KCNH8: variants seen among roughly 807,000 people sequenced by gnomAD.
The protein encoded by KCNH8 is voltage-gated delayed rectifier potassium channel KCNH8.
A neutral mutation model predicts 103.6 loss-of-function variants in KCNH8; 70 were observed. The observed-to-expected ratio is 0.68, with a 90% CI of 0.56 to 0.82. The LOEUF (loss-of-function observed/expected upper bound fraction) is 0.82, where lower values mean the gene tolerates loss of function less well. Among genes scored for constraint, KCNH8 ranks in the 40% least tolerant of loss-of-function variants. The pLI, the probability that KCNH8 is intolerant of heterozygous loss-of-function variation, is 0.00. For missense variants in KCNH8, 1,217 were observed against 1,329.9 expected (o/e 0.92, Z 1.32); for synonymous variants, 498 against 489.4 (o/e 1.02, Z -0.23).
chr3:19,334,663 C>A (rs1188321262), intron 3 of KCNH8, among the ~76,000 whole-genome samples: 1 of 145,722 alleles, frequency 6.9e-6, no homozygotes, highest in African/African-American at 2.5e-5. Flanking sequence ...ATAATTATTC[C>A]TGTGTTAATT....
chr3:19,253,465 A>G (rs1040839625), intron 1 of KCNH8, among the ~76,000 whole-genome samples, 189 bp from the exon 2 acceptor site: 2 of 151,958 alleles, frequency 1.3e-5, no homozygotes, highest in African/African-American at 4.8e-5. Flanking sequence ...AGCCTAAGTC[A>G]GAACTTAATG....
At chr3:19,521,017 T>A (rs1032224060) in intron 15 of KCNH8, among the ~76,000 whole-genome samples, 1 of 152,024 alleles carries the variant, frequency 6.6e-6, no homozygotes, top group African/African-American at 2.4e-5. Context: ...TTTGACCACA[T>A]TGCCATTGCT....
At chr3:19,377,262 T>A (rs113006307) in intron 5 of KCNH8, among the ~76,000 whole-genome samples, 54 of 152,348 alleles carry the variant, frequency 3.5e-4, no homozygotes, top group African/African-American at 1.2e-3. Context: ...ACATTTCTGC[T>A]GTACAGGATC....
At chr3:19,431,924 T>A (rs1237576937) in intron 7 of KCNH8, among the ~76,000 whole-genome samples, 1 of 152,118 alleles carries the variant, frequency 6.6e-6, no homozygotes, top group African/African-American at 2.4e-5. Context: ...GTGGTCTATT[T>A]TATTAATTTT....
chr3:19,164,406 G>T (rs1418114254), intron 1 of KCNH8, among the ~76,000 whole-genome samples: 1 of 152,198 alleles, frequency 6.6e-6, no homozygotes, highest in Non-Finnish European at 1.5e-5. Flanking sequence ...ACCTAATGCT[G>T]TACTTGATAT....
intron 5 of KCNH8, among the ~76,000 whole-genome samples, chr3:19,379,040 A>G (rs187932493): frequency 2.0e-5 from 3 of 150,546 alleles, no homozygotes; most frequent in East Asian, 3.9e-4. Flanking sequence ...TAAGAAGAAA[A>G]ATAGTAAGCA....
intron 1 of KCNH8, among the ~76,000 whole-genome samples, chr3:19,171,870 G>GT (rs1286328596): frequency 1.3e-5 from 2 of 152,236 alleles, no homozygotes; most frequent in African/African-American, 2.4e-5. Context: ...TAGTTTGTTG[G>GT]TTTTTTCTGC....
chr3:19,417,872 G>A (rs1162063878), intron 7 of KCNH8, among the ~76,000 whole-genome samples: 1 of 152,128 alleles, frequency 6.6e-6, no homozygotes, highest in African/African-American at 2.4e-5. Context: ...GATTACCTAA[G>A]AGAGACATAC....
chr3:19,330,713 A>T (rs2065493331), intron 3 of KCNH8, among the ~76,000 whole-genome samples: 1 of 152,198 alleles, frequency 6.6e-6, no homozygotes, highest in Non-Finnish European at 1.5e-5. Context: ...TTTTGGTATC[A>T]TATAGTACAA....
At chr3:19,473,957 G>A (rs995212212) in intron 11 of KCNH8, among the ~76,000 whole-genome samples, 4 of 152,102 alleles carry the variant, frequency 2.6e-5, no homozygotes, top group African/African-American at 9.7e-5. Context: ...TATGCTTTTT[G>A]TCCAGGATTT....
At chr3:19,351,912 A>G (rs2065808552) in intron 5 of KCNH8, among the ~76,000 whole-genome samples, 1 of 152,170 alleles carries the variant, frequency 6.6e-6, no homozygotes, top group South Asian at 2.1e-4. Context: ...TAAATGGGCT[A>G]AATGCTCCAA....
intron 1 of KCNH8, among the ~76,000 whole-genome samples, chr3:19,184,468 A>G (rs752641043): frequency 7.9e-5 from 12 of 152,046 alleles, no homozygotes; most frequent in Non-Finnish European, 1.6e-4. Flanking sequence ...TCAACTGTAT[A>G]TGTAATTTTT....
intron 11 of KCNH8, 34 bp from the exon 12 acceptor site, chr3:19,510,329 G>C: frequency 7.3e-7 from 1 of 1,373,600 alleles, no homozygotes; most frequent in Non-Finnish European, 1.0e-6. Context: ...ACCAGGATAT[G>C]TAAAATGATT....
At position 19,433,588 on chromosome 3, in the gene KCNH8, A is replaced by G. The variant is rs113775876; in HGVS notation, c.1178-4576A>G. Among the ~76,000 whole-genome samples the G allele has an allele frequency of 4.1e-4, 63 of 152,312 alleles. 1 individual carries two copies. Among genetic ancestry groups the G allele is most frequent in the African/African-American group, 1.4e-3 (58 of 41,576 alleles). On this transcript the variant is annotated intron_variant, in intron 7 of 15. Transcript: ENST00000328405. ...AGCTACTCAATTAGTAGCAAGACCA[A>G]GCATAGGACCCCAATTTCCTGACTC...
At chr3:19,460,508 ACTT>A (rs1323259037) in intron 11 of KCNH8, among the ~76,000 whole-genome samples, 5 of 152,138 alleles carry the variant, frequency 3.3e-5, no homozygotes, top group African/African-American at 4.8e-5. Context: ...GTTTACCTGA[ACTT>A]CTCTGTCTCC....
intron 11 of KCNH8, among the ~76,000 whole-genome samples, chr3:19,506,941 C>T (rs2068704440): frequency 6.6e-6 from 1 of 152,150 alleles, no homozygotes. Context: ...TTAAAGCACT[C>T]ATGGTCTTTT....
At chr3:19,486,961 C>T (rs982757599) in intron 11 of KCNH8, among the ~76,000 whole-genome samples, 1 of 152,172 alleles carries the variant, frequency 6.6e-6, no homozygotes, top group Non-Finnish European at 1.5e-5. Flanking sequence ...ACACTTTCTA[C>T]CTACAGTCCT....
intron 3 of KCNH8, among the ~76,000 whole-genome samples, chr3:19,318,562 A>G (rs184703831): frequency 6.6e-6 from 1 of 151,512 alleles, no homozygotes; most frequent in East Asian, 2.0e-4. Flanking sequence ...ACTAAGAATA[A>G]TGGTCTCCAA....
chr3:19,376,589 G>A (rs1002316092), intron 5 of KCNH8, among the ~76,000 whole-genome samples: 17 of 152,290 alleles, frequency 1.1e-4, no homozygotes, highest in South Asian at 6.2e-4. Context: ...GCTGTAGACC[G>A]GAGCTGTTCC....
Sources: allele counts gnomAD v4.1 joint callset (sites outside exome capture counted in the v4.1 genomes callset), GRCh38; gene constraint gnomAD v4.1.1; transcripts MANE v1.5; gene names NCBI Gene and HGNC (gene_info 2026-07-23, HGNC 2026-07-21).